Variants in ADARB1 observed in about 807,000 individuals in gnomAD.
The protein encoded by ADARB1 is double-stranded RNA-specific editase 1.
ADARB1 carries 10 observed loss-of-function variants against 52.4 expected under a neutral mutation model. The ratio of observed to expected loss-of-function variants is 0.19; its 90% CI spans 0.12 to 0.32. ADARB1 has a LOEUF of 0.32. ADARB1 is among the 10% of genes least tolerant of loss of function. The pLI, the probability that ADARB1 is intolerant of heterozygous loss-of-function variation, is 1.00. For synonymous variants in ADARB1, 349 were observed against 371.1 expected (o/e 0.94, Z 0.68); for missense variants, 643 against 922.3 (o/e 0.70, Z 3.92).
chr21:45,085,593 A>G (rs1244611001), intron 1 of ADARB1, among the ~76,000 whole-genome samples: 5 of 152,180 alleles, frequency 3.3e-5, no homozygotes, highest in African/African-American at 1.2e-4. Context: ...TTTACATACT[A>G]TGTATGTATG....
chr21:45,135,972 C>T (rs1042024581), intron 2 of ADARB1, among the ~76,000 whole-genome samples: 26 of 152,052 alleles, frequency 1.7e-4, no homozygotes, highest in South Asian at 2.1e-4. Context: ...TTTTAGAGGC[C>T]GCCAGCAGCC....
intron 1 of ADARB1, among the ~76,000 whole-genome samples, chr21:45,101,975 TC>T (rs764919534): frequency 5.3e-5 from 8 of 152,150 alleles, no homozygotes; most frequent in Non-Finnish European, 1.2e-4. Flanking sequence ...AGCCTCAACT[TC>T]CAGGCTCAAG....
chr21:45,212,721 C>A (rs1477946768), intron 9 of ADARB1, among the ~76,000 whole-genome samples: 1 of 151,958 alleles, frequency 6.6e-6, no homozygotes, highest in African/African-American at 2.4e-5. Flanking sequence ...ATCAAAGAAA[C>A]AAGCAGAAGA....
At chr21:45,126,036 T>C (rs183641091) in intron 1 of ADARB1, among the ~76,000 whole-genome samples, 1 of 152,326 alleles carries the variant, frequency 6.6e-6, no homozygotes, top group Non-Finnish European at 1.5e-5. Flanking sequence ...AAGTTCTAAG[T>C]GTTTTCTGTT....
chr21:45,145,799 T>C (rs894366647), intron 2 of ADARB1: 2 of 152,228 alleles, frequency 1.3e-5, no homozygotes, highest in African/African-American at 4.8e-5. Flanking sequence ...CAATGTTAAC[T>C]GTCATCCCAG....
At chr21:45,155,311 C>T (rs1237873778) in intron 2 of ADARB1, among the ~76,000 whole-genome samples, 1 of 152,148 alleles carries the variant, frequency 6.6e-6, no homozygotes. Flanking sequence ...TCCTGACCTT[C>T]ACCCTTCACA....
At chr21:45,075,298 G>A (rs1477472478) in intron 1 of ADARB1, among the ~76,000 whole-genome samples, 1 of 151,676 alleles carries the variant, frequency 6.6e-6, no homozygotes. Flanking sequence ...CTATGTCCCT[G>A]GGGAGACGCT....
At chr21:45,203,824 C>T (rs955215060) in intron 8 of ADARB1, among the ~76,000 whole-genome samples, 8 of 152,184 alleles carry the variant, frequency 5.3e-5, no homozygotes, top group African/African-American at 1.7e-4. Flanking sequence ...CCCGCTTCTC[C>T]GTAGATGTGT....
chr21:45,183,969 CT>C (rs1379769129), intron 7 of ADARB1, among the ~76,000 whole-genome samples: 2 of 152,142 alleles, frequency 1.3e-5, no homozygotes, highest in Non-Finnish European at 1.5e-5. Context: ...GAGGTTAGCA[CT>C]TTTGTTTTTT....
intron 2 of ADARB1, among the ~76,000 whole-genome samples, chr21:45,155,631 C>T (rs80271325): frequency 0.023 from 3,435 of 151,358 alleles, 54 homozygotes; most frequent in South Asian, 0.044. Flanking sequence ...CCCATGCATC[C>T]ATCATCCATC....
intron 1 of ADARB1, among the ~76,000 whole-genome samples, chr21:45,086,433 C>G (rs1568994200): frequency 1.3e-5 from 2 of 152,220 alleles, no homozygotes; most frequent in African/African-American, 4.8e-5. Flanking sequence ...TCACCACTGT[C>G]TAGTTCTTGA....
chr21:45,186,330 G>A (rs2092104640), intron 8 of ADARB1, among the ~76,000 whole-genome samples: 1 of 152,052 alleles, frequency 6.6e-6, no homozygotes, highest in African/African-American at 2.4e-5. Flanking sequence ...CCTTCATGAT[G>A]GGACACCCAT....
chr21:45,084,618 A>G (rs544871256), intron 1 of ADARB1, among the ~76,000 whole-genome samples: 2 of 152,318 alleles, frequency 1.3e-5, no homozygotes, highest in African/African-American at 4.8e-5. Flanking sequence ...GTAAGTCCAG[A>G]GTTTATCATA....
chr21:45,201,217 C>T (rs954822549), intron 8 of ADARB1, among the ~76,000 whole-genome samples: 7 of 152,202 alleles, frequency 4.6e-5, no homozygotes, highest in African/African-American at 1.4e-4. Context: ...GTGTCTGACA[C>T]CCTCTCGCTG....
chr21:45,219,985 T>A (rs925705852), intron 9 of ADARB1, among the ~76,000 whole-genome samples: 3 of 121,706 alleles, frequency 2.5e-5, no homozygotes, highest in Non-Finnish European at 4.9e-5. Context: ...TGCCTCTTGG[T>A]AGCCTTTTTT....
rs1159807555 is a variant in ADARB1, at chr21:45,172,136, G to A, written c.28+452G>A. Among the ~76,000 whole-genome samples the A allele has an allele frequency of 1.3e-5, 2 of 152,284 alleles. No homozygotes were observed. Among genetic ancestry groups the A allele is most frequent in the Non-Finnish European group, 1.5e-5 (1 of 68,028 alleles). On this transcript the variant is annotated intron_variant, in intron 3 of 10. Transcript: ENST00000348831. The surrounding 1 kb of genome is among the most constrained non-coding windows in gnomAD (Gnocchi z 4.4). ...CATTTTGAAGGAAGGGGATTCACAC[G>A]TGTCTGTTGATCTAAAGTTCGCAAA...
intron 2 of ADARB1, among the ~76,000 whole-genome samples, chr21:45,152,972 A>G (rs1186796300): frequency 6.6e-6 from 1 of 152,242 alleles, no homozygotes; most frequent in Non-Finnish European, 1.5e-5. Context: ...TTGGAAAGAT[A>G]TTTATAAAAC....
intron 2 of ADARB1, among the ~76,000 whole-genome samples, chr21:45,169,478 T>A (rs1443924426): frequency 6.6e-6 from 1 of 152,204 alleles, no homozygotes; most frequent in Non-Finnish European, 1.5e-5. Flanking sequence ...TCTGGCTTCC[T>A]CAGCTCTATG....
chr21:45,082,194 G>A (rs918678956), intron 1 of ADARB1, among the ~76,000 whole-genome samples: 6 of 152,188 alleles, frequency 3.9e-5, no homozygotes, highest in Non-Finnish European at 8.8e-5. Flanking sequence ...GGTTCTGTTT[G>A]AGTCTGCAAA....
Sources: gnomAD v4.1 joint callset for allele counts (sites outside exome capture counted in the v4.1 genomes callset) on GRCh38, gnomAD v4.1.1 for gene constraint, Gnocchi (gnomAD v3.1) non-coding constraint, MANE v1.5 for transcripts, NCBI Gene and HGNC (gene_info 2026-07-23, HGNC 2026-07-21) for gene names.